ADCY2: variants seen among roughly 807,000 people sequenced by gnomAD.
The protein encoded by ADCY2 is adenylate cyclase type 2.
Under a neutral mutation model 125.2 loss-of-function variants are expected in ADCY2, and 31 were observed. The observed-to-expected ratio is 0.25, with a 90% CI of 0.19 to 0.33. The LOEUF is 0.33. ADCY2 is among the 10% of genes least tolerant of loss of function. ADCY2 has a pLI of 1.00. For synonymous variants in ADCY2, 512 were observed against 548.4 expected, an observed-to-expected ratio of 0.93 and a Z score of 0.93; for missense variants, 904 against 1,418.2, an observed-to-expected ratio of 0.64 and a Z score of 5.82.
At chr5:7,727,076 A>G (rs1031894253) in intron 13 of ADCY2, 88 bp from the exon 14 acceptor site, 27 of 931,152 alleles carry the variant, frequency 2.9e-5, no homozygotes, top group East Asian at 2.5e-4. Context: ...AGTGTGGTGC[A>G]TGCTCTGGGT....
At chr5:7,663,662 T>G (rs1739613790) in intron 4 of ADCY2, among the ~76,000 whole-genome samples, 1 of 152,216 alleles carries the variant, frequency 6.6e-6, no homozygotes, top group Non-Finnish European at 1.5e-5. Flanking sequence ...GAACCTTGTT[T>G]CTTCTGGAAG....
intron 4 of ADCY2, among the ~76,000 whole-genome samples, chr5:7,644,952 C>T (rs886225882): frequency 2.6e-5 from 4 of 152,100 alleles, no homozygotes; most frequent in Non-Finnish European, 5.9e-5. Context: ...TAATGCAGTG[C>T]CCTTAACTGA....
At chr5:7,727,353 T>C in intron 14 of ADCY2, 92 bp downstream of exon 14, 1 of 1,060,462 alleles carries the variant, frequency 9.4e-7, no homozygotes. Context: ...GATGCTAATG[T>C]TTAGACAGAG....
At chr5:7,626,016 A>T in intron 3 of ADCY2, 151 bp from the exon 4 acceptor site, 1 of 900,770 alleles carries the variant, frequency 1.1e-6, no homozygotes, top group Non-Finnish European at 1.7e-6. Context: ...GTTTTCTGTT[A>T]AGCAAATAAA....
Position 7,403,345 on chromosome 5 carries a change from T to C in ADCY2, c.210+6839T>C, listed in dbSNP as rs570063891. ...GTGAATAAAACAGATAATGAGGAAA[T>C]GTTAGCATAGTTCAGACATATGGTC... On this transcript the variant is annotated intron_variant, in intron 1 of 24. Transcript: ENST00000338316. 1.8e-3 allele frequency among the ~76,000 whole-genome samples: 274 copies of C among 152,256 alleles called. 2 individuals are homozygous for C. The highest frequency in any genetic ancestry group is 3.5e-3 in the Non-Finnish European group (237 of 68,008).
At chr5:7,781,323 C>G (rs1409676162) in intron 18 of ADCY2, among the ~76,000 whole-genome samples, 1 of 152,168 alleles carries the variant, frequency 6.6e-6, no homozygotes, top group Non-Finnish European at 1.5e-5. Flanking sequence ...GCTTTGGTCC[C>G]CAGTGTCTCA....
chr5:7,634,094 C>A (rs905658094), intron 4 of ADCY2, among the ~76,000 whole-genome samples: 5 of 152,178 alleles, frequency 3.3e-5, no homozygotes, highest in African/African-American at 1.2e-4. Context: ...AATGTAATCA[C>A]AGATAGGCCA....
intron 2 of ADCY2, among the ~76,000 whole-genome samples, chr5:7,447,419 A>C (rs1398772322): frequency 6.6e-6 from 1 of 152,056 alleles, no homozygotes; most frequent in Non-Finnish European, 1.5e-5. Flanking sequence ...TCTTATAGGG[A>C]TCCCTTCACT....
At chr5:7,820,733 G>C in intron 24 of ADCY2, 44 bp downstream of exon 24, 1 of 1,581,420 alleles carries the variant, frequency 6.3e-7, no homozygotes, top group Non-Finnish European at 8.6e-7. Flanking sequence ...AACCATGTCT[G>C]TTCTCTTGGG....
chr5:7,513,612 G>C (rs1039739837), intron 2 of ADCY2, among the ~76,000 whole-genome samples: 1 of 152,158 alleles, frequency 6.6e-6, no homozygotes, highest in African/African-American at 2.4e-5. Context: ...TTACCATTAA[G>C]AATGCTCAAT....
rs889711664 is a variant in ADCY2 at position 7,531,081 on chromosome 5, T to C, written c.570+10182T>C. Reference sequence around the variant, plus strand: ...GCTAATGCCTGAGGGTCTGAGCTCCTGAAGGTTAATGGAATAGCAGCCTTT... The same window carrying C: ...GCTAATGCCTGAGGGTCTGAGCTCCCGAAGGTTAATGGAATAGCAGCCTTT... On this transcript the variant is annotated intron_variant, in intron 3 of 24. Transcript: ENST00000338316. Among the ~76,000 whole-genome samples, 11 of 152,310 alleles carry C rather than the reference T, an allele frequency of 7.2e-5. 1 individual carries two copies. The highest frequency in any genetic ancestry group is 5.2e-4 in the Admixed American group (8 of 15,298).
intron 2 of ADCY2, among the ~76,000 whole-genome samples, chr5:7,431,314 T>C (rs1389806262): frequency 6.6e-6 from 1 of 152,196 alleles, no homozygotes; most frequent in Non-Finnish European, 1.5e-5. Context: ...TTATCAGTAA[T>C]AGTTGCTGAA....
chr5:7,724,177 C>G (rs1741861528), intron 12 of ADCY2, among the ~76,000 whole-genome samples: 1 of 137,118 alleles, frequency 7.3e-6, no homozygotes, highest in East Asian at 2.3e-4. Flanking sequence ...GGAGGTGAAA[C>G]CACTGTGTGA....
chr5:7,577,261 A>G (rs1334134702), intron 3 of ADCY2, among the ~76,000 whole-genome samples: 1 of 152,206 alleles, frequency 6.6e-6, no homozygotes, highest in Non-Finnish European at 1.5e-5. Context: ...GAGTCTTTCA[A>G]TTTGAATTTC....
chr5:7,765,622 T>C (rs1015024507), intron 16 of ADCY2, among the ~76,000 whole-genome samples: 21 of 152,136 alleles, frequency 1.4e-4, no homozygotes, highest in African/African-American at 4.3e-4. Flanking sequence ...AATAAATTAG[T>C]TTAGGTATTT....
chr5:7,654,300 G>T (rs184718072), intron 4 of ADCY2: 1 of 370,938 alleles, frequency 2.7e-6, no homozygotes, highest in Admixed American at 3.4e-5. Flanking sequence ...GGGGTGGCGG[G>T]GAGAAGCCTC....
chr5:7,790,112 T>C (rs943465915), intron 20 of ADCY2, among the ~76,000 whole-genome samples: 1 of 152,170 alleles, frequency 6.6e-6, no homozygotes, highest in Non-Finnish European at 1.5e-5. Flanking sequence ...ATCCCAAATA[T>C]GCCTCCAAAG....
chr5:7,606,333 G>A (rs1218270871), intron 3 of ADCY2, among the ~76,000 whole-genome samples: 2 of 152,112 alleles, frequency 1.3e-5, no homozygotes, highest in East Asian at 3.9e-4. Flanking sequence ...TTTAAAGGGA[G>A]AGAAAATTCT....
At chr5:7,673,377 G>T (rs1740009180) in intron 4 of ADCY2, among the ~76,000 whole-genome samples, 1 of 148,330 alleles carries the variant, frequency 6.7e-6, no homozygotes, top group Non-Finnish European at 1.5e-5. Flanking sequence ...GGTGGAGGTT[G>T]CAGAAAGCTG....
Sources: gnomAD v4.1 joint callset for allele counts (sites outside exome capture counted in the v4.1 genomes callset) on GRCh38, gnomAD v4.1.1 for gene constraint, MANE v1.5 for transcripts, NCBI Gene and HGNC (gene_info 2026-07-23, HGNC 2026-07-21) for gene names.